The following HLTF variants were observed in gnomAD, a reference collection of about 807,000 sequenced individuals.
HLTF encodes DNA-dependent ATPase/E3 ubiquitin-protein ligase HLTF.
HLTF carries 127 observed loss-of-function variants against 129.4 expected under a neutral mutation model. The ratio of observed to expected loss-of-function variants is 0.98; its 90% confidence interval spans 0.85 to 1.14. The LOEUF (loss-of-function observed/expected upper bound fraction) is 1.14. Ranked by LOEUF, HLTF falls within the 50% of genes most tolerant of loss-of-function variation. HLTF has a pLI of 0.00. For synonymous variants in HLTF, 332 were observed against 388.8 expected (o/e 0.85, Z 1.72); for missense variants, 1,139 against 1,187.1 (o/e 0.96, Z 0.60).
intron 4 of HLTF, 105 bp from the exon 5 acceptor site, chr3:149,073,427 C>T (rs867274395): frequency 6.4e-6 from 5 of 777,656 alleles, no homozygotes; most frequent in Non-Finnish European, 8.3e-6. Context: ...GGTGCTGTGG[C>T]TCATGCCTGT....
At chr3:149,083,636 A>C (rs1720075386) in intron 2 of HLTF, 1 of 151,988 alleles carries the variant, frequency 6.6e-6, no homozygotes, top group Admixed American at 6.6e-5. Context: ...ATTAGAAAAA[A>C]TTAGAGGCCG....
intron 13 of HLTF, among the ~76,000 whole-genome samples, chr3:149,057,946 C>T (rs1293437962): frequency 1.3e-5 from 2 of 152,108 alleles, no homozygotes; most frequent in African/African-American, 4.8e-5. Context: ...CTATATTCAG[C>T]TTCATTATAT....
chr3:149,038,978 C>A, intron 23 of HLTF, 71 bp downstream of exon 23: 1 of 885,832 alleles, frequency 1.1e-6, no homozygotes, highest in South Asian at 2.4e-5. Context: ...AAGGTATTTA[C>A]CAAATAGTTT....
chr3:149,077,058 C>A (rs1399992390), intron 2 of HLTF, among the ~76,000 whole-genome samples: 1 of 151,902 alleles, frequency 6.6e-6, no homozygotes, highest in East Asian at 1.9e-4. Context: ...ACCATCCTAG[C>A]CAACATGGTG....
intron 7 of HLTF, among the ~76,000 whole-genome samples, chr3:149,068,610 C>T (rs1168471809): frequency 6.6e-6 from 1 of 152,154 alleles, no homozygotes; most frequent in African/African-American, 2.4e-5. Context: ...TACAATTCTA[C>T]ATTTAATCCT....
intron 17 of HLTF, 92 bp downstream of exon 17, chr3:149,047,936 A>T: frequency 9.8e-7 from 1 of 1,022,208 alleles, no homozygotes; most frequent in Non-Finnish European, 1.4e-6. Context: ...AAAAGTTAAG[A>T]GTCAAGTTAA....
rs752473743 is a variant in HLTF, at chr3:149,084,760, A to G, written c.150T>C (p.Thr50=). ...QDVIPPDDFL[T]SDEEVDSVLF... is the part of the protein sequence containing the mutation. The stretch of plus-strand genomic sequence containing the variant: ...AAACGGAATCTACTTCTTCATCACT[A>G]GTTAGAAAGTCATCTGGAGGGATAA... Residue 50 remains threonine, a synonymous_variant, in exon 2 of 25, where the codon ACT becomes ACC. Coordinates refer to ENST00000310053, the MANE Select transcript of HLTF (RefSeq NM_003071.4). 6 of 1,614,066 alleles carry G rather than the reference A, an allele frequency of 3.7e-6. No individual in the cohort carries two copies. The Admixed American group carries it at 1.0e-4, about 27-fold the overall frequency.
At chr3:149,060,255 GA>G (rs1168674849) in intron 12 of HLTF, among the ~76,000 whole-genome samples, 2 of 151,916 alleles carry the variant, frequency 1.3e-5, no homozygotes, top group African/African-American at 4.8e-5. Context: ...TAAAGAAAAA[GA>G]AAAAATTTGA....
At chr3:149,073,601 G>A (rs1416858677) in intron 4 of HLTF, among the ~76,000 whole-genome samples, 2 of 152,288 alleles carry the variant, frequency 1.3e-5, no homozygotes, top group East Asian at 1.9e-4. Context: ...GGCTCAGGTG[G>A]AAGGACTGCT....
chr3:149,078,878 C>G (rs1719631124), intron 2 of HLTF, among the ~76,000 whole-genome samples: 1 of 150,912 alleles, frequency 6.6e-6, no homozygotes. Flanking sequence ...AAAATAAGTT[C>G]AAAGACCTAA....
intron 14 of HLTF, among the ~76,000 whole-genome samples, chr3:149,051,236 A>T (rs1350359): frequency 0.33 from 44,113 of 134,290 alleles, 7,104 homozygotes; most frequent in Middle Eastern, 0.48. Context: ...AAGGAAGTTT[A>T]AAAAAAAAAA....
chr3:149,083,426 A>G (rs1256403958), intron 2 of HLTF, among the ~76,000 whole-genome samples: 1 of 152,224 alleles, frequency 6.6e-6, no homozygotes, highest in Non-Finnish European at 1.5e-5. Flanking sequence ...CATAGAGATT[A>G]TTCTCAGATC....
In HLTF at chr3:149,076,030, C is replaced by T; in HGVS notation, c.246G>A (p.Met82Ile). The T allele has an allele frequency of 7.3e-7, 1 of 1,363,270 alleles. No individual in the cohort carries two copies. Among genetic ancestry groups the T allele is most frequent in the Non-Finnish European group, 1.0e-6 (1 of 966,854 alleles). The allele number at this position is 1,363,270 out of a possible 1,614,324, so 84.4% of individuals were successfully genotyped here. Residue 82 changes from methionine (M) to isoleucine (I), a missense_variant, in exon 3 of 25, where the codon ATG (methionine) becomes ATA (isoleucine). Physicochemically the swap from Met to Ile is conservative, Grantham distance 10. Coordinates refer to ENST00000310053, the MANE Select transcript of HLTF (RefSeq NM_003071.4). ...TATTAGGATCTCGTTGTAATGCAAC[C>T]ATTTCATTATTATTAACCTAATAAA... ...YYTGVVNNNE[M>I]VALQRDPNNP...
At chr3:149,041,263 C>G (rs1341261875) in intron 20 of HLTF, among the ~76,000 whole-genome samples, 1 of 152,018 alleles carries the variant, frequency 6.6e-6, no homozygotes, top group African/African-American at 2.4e-5. Flanking sequence ...ATTTATTGAA[C>G]AGCAATGATA....
chr3:149,048,047 C>G lies in HLTF; in HGVS notation c.1873G>C (p.Gly625Arg), dbSNP rs1478616976. ...ACTTACCTAAGTCCTCCTTCATCTC[C>G]CATTGTGACAGGACGCTGTATTGTT... ...HRTIQRPVTM[G>R]DEGGLRRLQS... is the part of the protein sequence containing the mutation. The change falls in exon 17 of 25, where the codon GGA becomes CGA. Residue 625 changes from glycine to arginine, a missense_variant. By Grantham distance (125) the Gly-to-Arg change is moderately radical (BLOSUM62 -2). Coordinates refer to ENST00000310053, the MANE Select transcript of HLTF (RefSeq NM_003071.4). The G allele has an allele frequency of 6.2e-7, 1 of 1,602,550 alleles. No individual in the cohort carries two copies. Among genetic ancestry groups the G allele is most frequent in the Non-Finnish European group, 8.5e-7 (1 of 1,175,978 alleles).
chr3:149,037,180 C>T (rs1715707948), intron 23 of HLTF, among the ~76,000 whole-genome samples: 1 of 152,010 alleles, frequency 6.6e-6, no homozygotes, highest in African/African-American at 2.4e-5. Context: ...CAAGAAAATA[C>T]AACAGACCGG....
intron 14 of HLTF, among the ~76,000 whole-genome samples, chr3:149,054,423 T>A (rs1717254338): frequency 6.6e-6 from 1 of 152,178 alleles, no homozygotes. Flanking sequence ...GAATCCAATG[T>A]AGAGACTAAA....
At chr3:149,079,735 G>C (rs1719715490) in intron 2 of HLTF, among the ~76,000 whole-genome samples, 2 of 152,114 alleles carry the variant, frequency 1.3e-5, no homozygotes, top group Admixed American at 1.3e-4. Flanking sequence ...TGGGACTACA[G>C]GCAGGTGCCA....
rs367748171 is a variant in HLTF, at chr3:149,054,260, G to A, written c.1473+1043C>T. On this transcript the variant is annotated intron_variant, in intron 14 of 24. Coordinates refer to ENST00000310053, the MANE Select transcript of HLTF (RefSeq NM_003071.4). ...AATTAACCTCCAAGAGTATGACAGT[G>A]AAGGAAAGCAGAAGAGTAGCAACTT... Among the ~76,000 whole-genome samples the A allele has an allele frequency of 1.2e-4, 18 of 152,216 alleles. No homozygotes were observed. In the South Asian group the frequency reaches 3.7e-3, roughly 32 times the overall value.
Sources: gnomAD v4.1 joint callset for allele counts (sites outside exome capture counted in the v4.1 genomes callset) on GRCh38, gnomAD v4.1.1 for gene constraint, MANE v1.5 for transcripts, NCBI Gene and HGNC (gene_info 2026-07-23, HGNC 2026-07-21) for gene names.